Variants in RIMS2 observed in about 807,000 individuals in gnomAD.
RIMS2 encodes regulating synaptic membrane exocytosis protein 2.
Under a neutral mutation model 174.4 loss-of-function variants are expected in RIMS2, and 59 were observed. That is an observed-to-expected ratio of 0.34 (90% CI 0.27 to 0.42). The LOEUF is 0.42. Ranked by LOEUF, RIMS2 falls within the 10% of genes least tolerant of loss-of-function variation. RIMS2 has a pLI of 1.00. For synonymous variants in RIMS2, 606 were observed against 572.5 expected (o/e 1.06, Z -0.84); for missense variants, 1,620 against 1,666.3 (o/e 0.97, Z 0.48).
At chr8:104,038,947 T>C (rs563715331) in intron 19 of RIMS2, among the ~76,000 whole-genome samples, 1 of 152,006 alleles carries the variant, frequency 6.6e-6, no homozygotes, top group Admixed American at 6.6e-5. Flanking sequence ...AGATAAACTA[T>C]GGCAAATGAC....
At chr8:103,504,312 C>T (rs187142000) in intron 1 of RIMS2, among the ~76,000 whole-genome samples, 3 of 151,866 alleles carry the variant, frequency 2.0e-5, no homozygotes, top group East Asian at 1.9e-4. Context: ...AACACCTGCA[C>T]GTAATAAGTA....
intron 3 of RIMS2, among the ~76,000 whole-genome samples, chr8:103,805,491 C>A (rs190405237): frequency 5.3e-5 from 8 of 152,048 alleles, no homozygotes; most frequent in Non-Finnish European, 8.8e-5. Flanking sequence ...TTGCTAACAT[C>A]TATTATTTGA....
chr8:103,668,565 A>AGTGT lies in RIMS2; in HGVS notation c.177-28509_177-28506dup, dbSNP rs35887428. Among the ~76,000 whole-genome samples the AGTGT allele has an allele frequency of 4.8e-3, 726 of 151,344 alleles. 9 individuals carry two copies. The highest frequency in any genetic ancestry group is 0.017 in the African/African-American group (697 of 41,332). On this transcript the variant is annotated intron_variant, in intron 1 of 23. Transcript: ENST00000504942. ...AGAAGAGTCACCACACCAGTTTGTA[A>AGTGT]GTGTGTGTGTGTGTGAGTGTGTGCA...
At chr8:103,760,961 G>A (rs1285748130) in intron 2 of RIMS2, among the ~76,000 whole-genome samples, 3 of 152,056 alleles carry the variant, frequency 2.0e-5, no homozygotes, top group African/African-American at 7.2e-5. Flanking sequence ...AATTTTTATG[G>A]CAAATTATAG....
chr8:103,769,847 A>G (rs755555510), intron 3 of RIMS2, among the ~76,000 whole-genome samples: 8 of 152,176 alleles, frequency 5.3e-5, no homozygotes, highest in Non-Finnish European at 7.3e-5. Flanking sequence ...AGCATACTGT[A>G]TATCTTCTTT....
At chr8:103,792,013 G>A (rs1365287892) in intron 3 of RIMS2, among the ~76,000 whole-genome samples, 1 of 152,078 alleles carries the variant, frequency 6.6e-6, no homozygotes, top group Non-Finnish European at 1.5e-5. Flanking sequence ...ACAGATCAAC[G>A]AGACAGGAAG....
intron 1 of RIMS2, among the ~76,000 whole-genome samples, chr8:103,560,609 T>C (rs143304387): frequency 1.9e-4 from 29 of 152,336 alleles, no homozygotes; most frequent in African/African-American, 7.0e-4. Flanking sequence ...GTAGCTCATA[T>C]AATAATTCAA....
chr8:104,141,212 T>C (rs751732233), intron 19 of RIMS2, among the ~76,000 whole-genome samples: 1 of 152,248 alleles, frequency 6.6e-6, no homozygotes, highest in Non-Finnish European at 1.5e-5. Context: ...AAACATATGA[T>C]CTATAAAGTA....
In RIMS2 at chr8:104,093,411, A is replaced by G. The variant is rs1598654659; in HGVS notation, c.3334+78796A>G. On this transcript the variant is annotated intron_variant, in intron 19 of 23. Coordinates refer to ENST00000504942, the Ensembl canonical transcript of RIMS2. ...AAAGTGATGAAATAGGAGAAAGCTA[A>G]TAATTGCTTTGTGTGGTAATACTGA... The G allele has an allele frequency of 3.4e-6, 4 of 1,167,648 alleles. No homozygotes were observed. The East Asian group carries it at 7.8e-5, about 23-fold the overall frequency. 72.3% of individuals were successfully genotyped at this position (1,167,648 alleles called of 1,614,324 possible).
At chr8:104,194,136 A>C (rs2099011865) in intron 19 of RIMS2, among the ~76,000 whole-genome samples, 1 of 151,878 alleles carries the variant, frequency 6.6e-6, no homozygotes, top group Non-Finnish European at 1.5e-5. Flanking sequence ...TATTAGGAGA[A>C]TTTTTTTCTT....
chr8:103,933,078 G>T (rs1055377282), intron 12 of RIMS2, among the ~76,000 whole-genome samples: 1 of 152,088 alleles, frequency 6.6e-6, no homozygotes, highest in African/African-American at 2.4e-5. Context: ...AGATCACGAG[G>T]TCAGGAGATC....
At chr8:103,587,728 C>T (rs1321572965) in intron 1 of RIMS2, among the ~76,000 whole-genome samples, 1 of 151,866 alleles carries the variant, frequency 6.6e-6, no homozygotes, top group African/African-American at 2.4e-5. Context: ...ATGAAAAATC[C>T]TCAAAAAACT....
chr8:103,768,572 C>T, intron 3 of RIMS2: 12 of 1,501,346 alleles, frequency 8.0e-6, no homozygotes, highest in Admixed American at 5.0e-5. Context: ...AAAATCAGTT[C>T]GTGGTTGCAT....
At chr8:104,223,396 C>CTGCGAGCAG (rs2099165552) in intron 19 of RIMS2, 2 of 1,262,372 alleles carry the variant, frequency 1.6e-6, no homozygotes, top group Non-Finnish European at 2.0e-6. Flanking sequence ...CGGACGTTCA[C>CTGCGAGCAG]TGCGAGCAGC....
Position 103,866,250 on chromosome 8 carries a change from A to T in RIMS2, c.699-19048A>T, listed in dbSNP as rs1228885094. On this transcript the variant is annotated intron_variant, in intron 3 of 23. Coordinates refer to ENST00000504942, the Ensembl canonical transcript of RIMS2. ...ATAATGTAGCAGCAGAAAGTGAGTG[A>T]TATTCTGATTCTACTTCCTTTTATA... is the stretch of plus-strand genomic sequence containing the variant. 5.3e-5 allele frequency among the ~76,000 whole-genome samples: 8 copies of T among 152,160 alleles called. No individual in the cohort carries two copies. In the South Asian group the frequency reaches 1.7e-3, roughly 31 times the overall value.
intron 1 of RIMS2, among the ~76,000 whole-genome samples, chr8:103,625,750 CATACTT>C (rs2095765748): frequency 6.6e-6 from 1 of 152,088 alleles, no homozygotes; most frequent in African/African-American, 2.4e-5. Context: ...GCAGGTCTGA[CATACTT>C]ATAATTTACA....
intron 6 of RIMS2, among the ~76,000 whole-genome samples, chr8:103,914,904 T>G (rs1179709298): frequency 6.6e-6 from 1 of 152,126 alleles, no homozygotes; most frequent in East Asian, 1.9e-4. Flanking sequence ...ACATTTTTAT[T>G]CATTTTCTAA....
intron 3 of RIMS2, among the ~76,000 whole-genome samples, chr8:103,863,146 C>T (rs1482390420): frequency 6.6e-6 from 1 of 151,960 alleles, no homozygotes; most frequent in Non-Finnish European, 1.5e-5. Context: ...TTCTTCGATG[C>T]CTAGTCTGTG....
At chr8:103,566,241 C>T (rs1021212139) in intron 1 of RIMS2, among the ~76,000 whole-genome samples, 2 of 152,134 alleles carry the variant, frequency 1.3e-5, no homozygotes, top group African/African-American at 4.8e-5. Context: ...CTCCCCCTTC[C>T]CCATTCCTGT....
Sources: gnomAD v4.1 joint callset for allele counts (sites outside exome capture counted in the v4.1 genomes callset) on GRCh38, gnomAD v4.1.1 for gene constraint, MANE v1.5 for transcripts, NCBI Gene and HGNC (gene_info 2026-07-23, HGNC 2026-07-21) for gene names.